Variants in CLDN10 observed in about 807,000 individuals in gnomAD.
CLDN10 encodes the protein claudin 10, also known as claudin-10.
A neutral mutation model predicts 22.9 loss-of-function variants in CLDN10; 15 were observed. The ratio of observed to expected loss-of-function variants is 0.65; its 90% CI spans 0.44 to 1.01. The LOEUF (loss-of-function observed/expected upper bound fraction) is 1.01. CLDN10 is among the 50% of genes least tolerant of loss of function. The pLI is 0.00. For missense variants in CLDN10, 247 were observed against 287.8 expected, an observed-to-expected ratio of 0.86 and a Z score of 1.03; for synonymous variants, 114 against 111.4, an observed-to-expected ratio of 1.02 and a Z score of -0.15.
chr13:95,457,553 A>G (rs74475970), intron 1 of CLDN10, among the ~76,000 whole-genome samples: 13,656 of 152,020 alleles, frequency 0.09, 872 homozygotes, highest in South Asian at 0.22. Context: ...TGCTACCACT[A>G]TTTGTTCCAT....
Position 95,552,954 on chromosome 13 carries a change from C to G in CLDN10, c.201C>G (p.Pro67=). The change falls in exon 1 of 5, where the codon CCC becomes CCG. Residue 67 remains proline, a synonymous_variant. Transcript: ENST00000299339. ...STGVSNCKDF[P]SMLALDGYIQ... is the part of the protein sequence containing the mutation. ...GCGTCTCCAACTGCAAGGACTTCCCCTCCATGCTGGCGCTGGACGGTCTGC... is the reference window on the plus strand; with the variant it reads ...GCGTCTCCAACTGCAAGGACTTCCCGTCCATGCTGGCGCTGGACGGTCTGC... 6.8e-6 allele frequency: 11 copies of G among 1,614,012 alleles called. No homozygotes were observed. The highest frequency in any genetic ancestry group is 8.5e-6 in the Non-Finnish European group (10 of 1,179,954).
chr13:95,448,531 G>C (rs1214965743), intron 1 of CLDN10, among the ~76,000 whole-genome samples: 1 of 152,134 alleles, frequency 6.6e-6, no homozygotes, highest in Non-Finnish European at 1.5e-5. Flanking sequence ...AGTGAGGAAT[G>C]TGACCCCCCT....
chr13:95,574,531 A>G (rs1249507898), intron 3 of CLDN10, among the ~76,000 whole-genome samples: 2 of 152,176 alleles, frequency 1.3e-5, no homozygotes, highest in African/African-American at 4.8e-5. Context: ...GCCCTTTAGG[A>G]GGCTGAGGTG....
At chr13:95,495,220 A>G (rs2042915891) in intron 1 of CLDN10, among the ~76,000 whole-genome samples, 1 of 151,534 alleles carries the variant, frequency 6.6e-6, no homozygotes, top group African/African-American at 2.4e-5. Context: ...ATTTTTTTGT[A>G]GTGACGGGGT....
In CLDN10 at chr13:95,439,968, C is replaced by T. The variant is rs1594519237; in HGVS notation, c.214+5921C>T. The stretch of plus-strand genomic sequence containing the variant: ...TCGCTCTGTTGCCCAGGCTGGAGTG[C>T]AGTGGCGTGATCCCAACTCACCACA... On this transcript the variant is annotated intron_variant, in intron 1 of 4. Coordinates refer to the CLDN10 transcript ENST00000376873. Among the ~76,000 whole-genome samples, 6 of 151,278 alleles carry T rather than the reference C, an allele frequency of 4.0e-5. No homozygotes were observed. The South Asian group carries it at 1.3e-3, about 32-fold the overall frequency.
intron 1 of CLDN10, among the ~76,000 whole-genome samples, chr13:95,457,977 T>G (rs1342797021): frequency 6.6e-6 from 1 of 152,206 alleles, no homozygotes; most frequent in Non-Finnish European, 1.5e-5. Flanking sequence ...TCAGCTAATC[T>G]AGGCTGGACT....
chr13:95,505,838 T>TCTGC (rs1272946032), intron 1 of CLDN10, among the ~76,000 whole-genome samples: 1 of 131,450 alleles, frequency 7.6e-6, no homozygotes, highest in Non-Finnish European at 1.5e-5. Context: ...CACTGCAACC[T>TCTGC]CTGCCTCCCA....
intron 1 of CLDN10, among the ~76,000 whole-genome samples, chr13:95,503,280 G>A (rs557765528): frequency 2.6e-5 from 4 of 152,020 alleles, no homozygotes; most frequent in Non-Finnish European, 4.4e-5. Flanking sequence ...AAAATGTAAA[G>A]AAAAAAACAT....
intron 1 of CLDN10, among the ~76,000 whole-genome samples, chr13:95,558,659 C>T (rs1205306981): frequency 6.6e-6 from 1 of 152,188 alleles, no homozygotes; most frequent in East Asian, 1.9e-4. Context: ...GGTGCAGTGG[C>T]TCATGCCTTT....
chr13:95,510,968 G>A (rs2043090694), intron 1 of CLDN10, among the ~76,000 whole-genome samples: 1 of 152,120 alleles, frequency 6.6e-6, no homozygotes, highest in Admixed American at 6.6e-5. Flanking sequence ...CAGGGTGTTG[G>A]AAACGCTCTG....
chr13:95,523,653 A>G (rs1482803653), intron 1 of CLDN10, among the ~76,000 whole-genome samples: 3 of 152,116 alleles, frequency 2.0e-5, no homozygotes, highest in Non-Finnish European at 4.4e-5. Flanking sequence ...CATGGCCCAG[A>G]CTGTTTTCAG....
intron 1 of CLDN10, among the ~76,000 whole-genome samples, chr13:95,465,354 C>T (rs980688739): frequency 6.6e-6 from 1 of 152,132 alleles, no homozygotes; most frequent in African/African-American, 2.4e-5. Flanking sequence ...AGAGCCAAAC[C>T]ATATCACAGG....
intron 1 of CLDN10, among the ~76,000 whole-genome samples, chr13:95,528,164 C>A (rs1442743100): frequency 6.6e-6 from 1 of 152,304 alleles, no homozygotes. Flanking sequence ...TGAATTTTGG[C>A]TCCCATAATG....
chr13:95,498,514 C>T (rs1369823818), intron 1 of CLDN10, among the ~76,000 whole-genome samples: 1 of 152,130 alleles, frequency 6.6e-6, no homozygotes, highest in Admixed American at 6.6e-5. Flanking sequence ...CCCACCTCAG[C>T]CTCCCGAGTA....
At position 95,558,469 on chromosome 13, in the gene CLDN10, G is replaced by T. The variant is rs192659912; in HGVS notation, c.221-1663G>T. Among the ~76,000 whole-genome samples, 253 of 152,304 alleles carry T rather than the reference G, an allele frequency of 1.7e-3. 1 individual carries two copies. Among genetic ancestry groups the T allele is most frequent in the African/African-American group, 5.0e-3 (207 of 41,558 alleles). ...CACGGTGTTAGTGAAATTGTTTTCTGTATGGAAATATTTCACACTACACAA... is the reference window on the plus strand; with the variant it reads ...CACGGTGTTAGTGAAATTGTTTTCTTTATGGAAATATTTCACACTACACAA... On this transcript the variant is annotated intron_variant, in intron 1 of 4. Transcript: ENST00000299339.
intron 1 of CLDN10, among the ~76,000 whole-genome samples, chr13:95,529,108 T>G (rs537543168): frequency 6.7e-6 from 1 of 150,184 alleles, no homozygotes; most frequent in East Asian, 1.9e-4. Context: ...ATGTCTAGTA[T>G]TTTTTTTTTA....
chr13:95,435,049 G>A lies in CLDN10; in HGVS notation c.214+1002G>A, dbSNP rs544087591. ...AGAATACATGGGGCAAGCTTTCATCGTTGTGCATATTAGAAACTCTATTAC... is the reference window on the plus strand; with the variant it reads ...AGAATACATGGGGCAAGCTTTCATCATTGTGCATATTAGAAACTCTATTAC... On this transcript the variant is annotated intron_variant, in intron 1 of 4. Coordinates refer to the CLDN10 transcript ENST00000376873. Among the ~76,000 whole-genome samples, 31 of 152,236 alleles carry A rather than the reference G, an allele frequency of 2.0e-4. No individual in the cohort carries two copies. In the East Asian group the frequency reaches 4.8e-3, roughly 24 times the overall value.
chr13:95,569,402 G>A (rs1201088486), intron 3 of CLDN10, among the ~76,000 whole-genome samples: 2 of 152,076 alleles, frequency 1.3e-5, no homozygotes, highest in Non-Finnish European at 2.9e-5. Context: ...TGGCCAACAA[G>A]GTGAAACCCT....
chr13:95,459,611 G>C (rs1184946322), intron 1 of CLDN10, among the ~76,000 whole-genome samples: 1 of 152,210 alleles, frequency 6.6e-6, no homozygotes, highest in East Asian at 1.9e-4. Context: ...CCTGAGACTG[G>C]ACAAAGTAGC....
Sources: allele counts gnomAD v4.1 joint callset (sites outside exome capture counted in the v4.1 genomes callset), GRCh38; gene constraint gnomAD v4.1.1; transcripts MANE v1.5; gene names NCBI Gene and HGNC (gene_info 2026-07-23, HGNC 2026-07-21).